GRIA4: variants seen among roughly 807,000 people sequenced by gnomAD.
GRIA4 encodes glutamate ionotropic receptor AMPA type subunit 4.
A neutral mutation model predicts 104.0 loss-of-function variants in GRIA4; 34 were observed. The ratio of observed to expected loss-of-function variants is 0.33; its 90% confidence interval spans 0.25 to 0.44. The LOEUF (loss-of-function observed/expected upper bound fraction) is 0.44, where lower values mean the gene tolerates loss of function less well. Ranked by LOEUF, GRIA4 falls within the 20% of genes least tolerant of loss-of-function variation. GRIA4 has a pLI of 1.00. For missense variants in GRIA4, 750 were observed against 1,096.5 expected, an observed-to-expected ratio of 0.68 and a Z score of 4.46; for synonymous variants, 386 against 381.9, an observed-to-expected ratio of 1.01 and a Z score of -0.13.
intron 4 of GRIA4, among the ~76,000 whole-genome samples, chr11:105,843,835 A>G (rs1244203218): frequency 6.6e-6 from 1 of 152,240 alleles, no homozygotes; most frequent in East Asian, 1.9e-4. Context: ...TGGATACTTA[A>G]GACCTCTTGA....
At chr11:105,845,639 T>G (rs1944558670) in intron 4 of GRIA4, among the ~76,000 whole-genome samples, 2 of 152,132 alleles carry the variant, frequency 1.3e-5, no homozygotes, top group African/African-American at 4.8e-5. Context: ...GTCCCAGCAC[T>G]TTGGGAGACC....
chr11:105,660,718 G>A (rs562031955), intron 3 of GRIA4, among the ~76,000 whole-genome samples: 2 of 151,382 alleles, frequency 1.3e-5, no homozygotes, highest in African/African-American at 2.4e-5. Context: ...GGGATGGGGG[G>A]AATCGACTAT....
chr11:105,868,089 G>A (rs769069304), intron 5 of GRIA4, among the ~76,000 whole-genome samples: 13 of 152,116 alleles, frequency 8.5e-5, no homozygotes, highest in Admixed American at 5.9e-4. Flanking sequence ...CAGAAACAGA[G>A]ATATTACAAA....
At chr11:105,851,080 C>T (rs992303416) in intron 4 of GRIA4, among the ~76,000 whole-genome samples, 1 of 152,126 alleles carries the variant, frequency 6.6e-6, no homozygotes, top group East Asian at 1.9e-4. Flanking sequence ...ATAAAACTAA[C>T]ACCATGCCAA....
At chr11:105,958,633 T>G (rs1478400050) in intron 14 of GRIA4, among the ~76,000 whole-genome samples, 1 of 152,158 alleles carries the variant, frequency 6.6e-6, no homozygotes, top group African/African-American at 2.4e-5. Flanking sequence ...CCTCATAAAA[T>G]GAGTTAGGGA....
At chr11:105,667,341 T>C (rs1445614) in intron 3 of GRIA4, among the ~76,000 whole-genome samples, 149,799 of 152,086 alleles carry the variant, frequency 0.98, 73,814 homozygotes, top group Middle Eastern at 1. Context: ...GCCTAGAAAT[T>C]AAAAGGCCCA....
chr11:105,895,451 GTGA>G (rs948043699), intron 6 of GRIA4, among the ~76,000 whole-genome samples: 8 of 152,008 alleles, frequency 5.3e-5, no homozygotes, highest in African/African-American at 1.7e-4. Context: ...TAAAACAAAG[GTGA>G]TAAATGGGTA....
chr11:105,919,868 A>G (rs1271095478), intron 11 of GRIA4, among the ~76,000 whole-genome samples: 1 of 152,188 alleles, frequency 6.6e-6, no homozygotes, highest in Admixed American at 6.6e-5. Context: ...ATGTAGTCTG[A>G]TTAATCCTCA....
At chr11:105,848,608 A>G (rs1944681568) in intron 4 of GRIA4, among the ~76,000 whole-genome samples, 2 of 152,190 alleles carry the variant, frequency 1.3e-5, no homozygotes, top group African/African-American at 4.8e-5. Context: ...TTTGAGCTCA[A>G]AGCTACATCA....
chr11:105,779,474 T>C (rs561568413), intron 4 of GRIA4, among the ~76,000 whole-genome samples: 2 of 152,296 alleles, frequency 1.3e-5, no homozygotes, highest in African/African-American at 2.4e-5. Flanking sequence ...TGTGATCTCA[T>C]TGTTCAGTTC....
intron 3 of GRIA4, among the ~76,000 whole-genome samples, chr11:105,750,088 C>G (rs1939911079): frequency 6.6e-6 from 1 of 151,934 alleles, no homozygotes; most frequent in African/African-American, 2.4e-5. Context: ...TATTTGTATG[C>G]TAAGCAACAA....
chr11:105,691,074 T>G (rs1196727695), intron 3 of GRIA4, among the ~76,000 whole-genome samples: 2 of 152,290 alleles, frequency 1.3e-5, no homozygotes, highest in Admixed American at 6.5e-5. Flanking sequence ...GGTGTGTGTG[T>G]GGGCTTGTGT....
chr11:105,770,368 G>GAAA (rs1240178268), intron 4 of GRIA4, among the ~76,000 whole-genome samples: 1 of 151,956 alleles, frequency 6.6e-6, no homozygotes, highest in East Asian at 1.9e-4. Flanking sequence ...TTCCATTTAT[G>GAAA]ATGCATATTT....
chr11:105,787,473 T>A (rs1373236751), intron 4 of GRIA4, among the ~76,000 whole-genome samples: 1 of 15,620 alleles, frequency 6.4e-5, no homozygotes, highest in East Asian at 1.4e-3. Context: ...AAAGAATTCC[T>A]TTTTTTTTTT....
intron 14 of GRIA4, among the ~76,000 whole-genome samples, chr11:105,954,914 A>T (rs199787580): frequency 2.1e-4 from 4 of 19,334 alleles, no homozygotes; most frequent in African/African-American, 1.0e-3. Context: ...TTCAATTTAT[A>T]TATATATATA....
chr11:105,759,036 TGA>T (rs10608057), intron 4 of GRIA4, among the ~76,000 whole-genome samples: 152,200 of 152,200 alleles, frequency 1, 76,100 homozygotes, highest in Non-Finnish European at 1. Flanking sequence ...CCTAATGTCA[TGA>T]GAGATCTCAG....
intron 3 of GRIA4, among the ~76,000 whole-genome samples, chr11:105,643,662 A>C (rs1488008669): frequency 4.6e-5 from 7 of 152,120 alleles, no homozygotes; most frequent in Non-Finnish European, 7.4e-5. Context: ...CTTCTAACAA[A>C]GTGTTAGATG....
chr11:105,888,271 C>CCTTTTTTT (rs1555038827), intron 6 of GRIA4, among the ~76,000 whole-genome samples: 2 of 54,560 alleles, frequency 3.7e-5, no homozygotes, highest in Non-Finnish European at 6.0e-5. Flanking sequence ...ATGTTTTCTC[C>CCTTTTTTT]TTTTTTTTTT....
At chr11:105,928,561 C>G (rs7945345) in intron 13 of GRIA4, among the ~76,000 whole-genome samples, 13,574 of 151,862 alleles carry the variant, frequency 0.089, 791 homozygotes, top group Admixed American at 0.18. Flanking sequence ...TAAGTAAGCA[C>G]GTAAAATTTA....
Sources: gnomAD v4.1 joint callset for allele counts (sites outside exome capture counted in the v4.1 genomes callset) on GRCh38, gnomAD v4.1.1 for gene constraint, MANE v1.5 for transcripts, NCBI Gene and HGNC (gene_info 2026-07-23, HGNC 2026-07-21) for gene names.